Variants in RBM26 observed in about 807,000 individuals in gnomAD.
RBM26 encodes the protein RNA binding motif protein 26.
A neutral mutation model predicts 123.6 loss-of-function variants in RBM26; 30 were observed. That is an observed-to-expected ratio of 0.24 (90% CI 0.18 to 0.33). The LOEUF (loss-of-function observed/expected upper bound fraction) is 0.33, where lower values mean the gene tolerates loss of function less well. Ranked by LOEUF, RBM26 falls within the 10% of genes least tolerant of loss-of-function variation. The pLI, the probability that RBM26 is intolerant of heterozygous loss-of-function variation, is 1.00. For synonymous variants in RBM26, 400 were observed against 404.4 expected (o/e 0.99, Z 0.13); for missense variants, 947 against 1,203.6 (o/e 0.79, Z 3.15).
At chr13:79,318,857 C>T (rs962287252), downstream of RBM26, 23 of 975,526 alleles carry the variant, frequency 2.4e-5, no homozygotes, top group Non-Finnish European at 2.7e-5. Flanking sequence ...GAGCCTCTGC[C>T]AATTTGGCAC....
At position 79,366,086 on chromosome 13, in the gene RBM26, A is replaced by C. The variant is rs776911809; in HGVS notation, c.1245T>G (p.Pro415=). The C allele has an allele frequency of 4.3e-6, 7 of 1,613,960 alleles. No individual in the cohort carries two copies. The highest frequency in any genetic ancestry group is 2.7e-5 in the African/African-American group (2 of 74,912). Residue 415 remains proline, a synonymous_variant, in exon 8 of 22, where the codon CCT becomes CCG. Transcript: ENST00000438737. ...TVVTTGIHHQ[P]PPAPPSLFTA... is the part of the protein sequence containing the mutation. ...TAAAAAGAGAGGGTGGAGCAGGAGG[A>C]GGCTGGTGATGAATGCCAGTTGTTA...
intron 6 of RBM26, 75 bp from the exon 7 acceptor site, chr13:79,366,947 A>T (rs1438240165): frequency 1.7e-6 from 2 of 1,181,890 alleles, no homozygotes; most frequent in Non-Finnish European, 2.3e-6. Flanking sequence ...TAGCAAAAGT[A>T]AAATATTTAA....
chr13:79,317,311 A>G (rs1337723130), downstream of RBM26, among the ~76,000 whole-genome samples: 2 of 151,740 alleles, frequency 1.3e-5, no homozygotes, highest in Non-Finnish European at 3.0e-5. Context: ...CAACGATAAC[A>G]GGGAGAACTG....
chr13:79,340,646 A>C (rs1398810638), intron 18 of RBM26, among the ~76,000 whole-genome samples: 1 of 151,934 alleles, frequency 6.6e-6, no homozygotes, highest in African/African-American at 2.4e-5. Context: ...TTAAATTACA[A>C]GAAAGAAGTT....
intron 1 of RBM26, among the ~76,000 whole-genome samples, chr13:79,388,159 G>A (rs1376256059): frequency 4.6e-5 from 7 of 152,182 alleles, no homozygotes; most frequent in African/African-American, 1.4e-4. Flanking sequence ...ATGCAGTGGC[G>A]ATCTCAGCTG....
chr13:79,349,529 C>T (rs993007576), intron 14 of RBM26, among the ~76,000 whole-genome samples: 3 of 151,740 alleles, frequency 2.0e-5, no homozygotes, highest in African/African-American at 7.3e-5. Flanking sequence ...TTTTGCTACA[C>T]AAATAGCTTA....
intron 3 of RBM26, among the ~76,000 whole-genome samples, chr13:79,372,883 ATGCTATATAAAATATATCTTATATAT>A (rs1168053747): frequency 0.098 from 10,223 of 104,624 alleles, 2,926 homozygotes; most frequent in South Asian, 0.15. Flanking sequence ...AATATTTTAT[ATGCTATATAAAATATATCTTATATAT>A]TACATATTTT....
At chr13:79,386,125 C>T (rs1043950016) in intron 1 of RBM26, among the ~76,000 whole-genome samples, 19 of 151,112 alleles carry the variant, frequency 1.3e-4, no homozygotes, top group Non-Finnish European at 2.1e-4. Context: ...ACTATTTTTC[C>T]AAAATAAAAT....
At chr13:79,318,703 G>T (rs2067373752), downstream of RBM26, 4 of 702,740 alleles carry the variant, frequency 5.7e-6, no homozygotes, top group Non-Finnish European at 7.0e-6. Flanking sequence ...CAGTTACATT[G>T]TAAGGGAATT....
chr13:79,319,885 T>C lies in RBM26; in HGVS notation c.*736A>G. On this transcript the variant is annotated 3_prime_UTR_variant, in exon 22 of 22. Coordinates refer to ENST00000438737, the MANE Select transcript of RBM26 (RefSeq NM_001366735.2). ...GTAGATCACCATCTGGAATGGTCTA[T>C]TTTAATTTTTTTCTTTTCTTTTTTC... 2.1e-6 allele frequency: 2 copies of C among 972,076 alleles called. No individual in the cohort carries two copies. The highest frequency in any genetic ancestry group is 2.4e-6 in the Non-Finnish European group (2 of 818,980). The allele number at this position is 972,076 out of a possible 1,614,324, so 60.2% of individuals were successfully genotyped here.
chr13:79,350,845 C>G (rs879830370), intron 14 of RBM26, among the ~76,000 whole-genome samples: 4 of 151,968 alleles, frequency 2.6e-5, no homozygotes, highest in Admixed American at 6.6e-5. Context: ...CCCAAACCCC[C>G]TAAGGATTAG....
At chr13:79,399,676 G>A (rs1016766071) in intron 1 of RBM26, among the ~76,000 whole-genome samples, 1 of 152,112 alleles carries the variant, frequency 6.6e-6, no homozygotes, top group African/African-American at 2.4e-5. Context: ...AGAACTGGAA[G>A]GGAGAAAGGC....
intron 9 of RBM26, among the ~76,000 whole-genome samples, chr13:79,360,747 AG>A (rs2074582667): frequency 1.3e-5 from 2 of 152,280 alleles, no homozygotes; most frequent in Admixed American, 1.3e-4. Context: ...ACAGTGTAAA[AG>A]AGCTGTAAAA....
intron 1 of RBM26, among the ~76,000 whole-genome samples, chr13:79,381,994 A>G (rs1439373319): frequency 6.6e-6 from 1 of 152,108 alleles, no homozygotes; most frequent in Non-Finnish European, 1.5e-5. Flanking sequence ...TAAGTCCTAC[A>G]AGAAGTTCCA....
chr13:79,390,109 G>T (rs2077822871), intron 1 of RBM26, among the ~76,000 whole-genome samples: 1 of 152,070 alleles, frequency 6.6e-6, no homozygotes, highest in Non-Finnish European at 1.5e-5. Context: ...TAAGAAGACT[G>T]ATTTTTGGTT....
In RBM26 at chr13:79,377,365, A is replaced by C. The variant is rs1417473065; in HGVS notation, c.327+14T>G. The stretch of plus-strand genomic sequence containing the variant: ...TGTTTAAATAACCTGTAAGGTATTA[A>C]CACAAATCGTTACCTCTTCCTTCTT... On this transcript the variant is annotated intron_variant, in intron 3 of 21. Coordinates refer to ENST00000438737, the MANE Select transcript of RBM26 (RefSeq NM_001366735.2). 1.2e-6 allele frequency: 2 copies of C among 1,610,274 alleles called. No homozygotes were observed. Among genetic ancestry groups the C allele is most frequent in the South Asian group, 2.2e-5 (2 of 90,980 alleles).
intron 4 of RBM26, 24 bp downstream of exon 4, chr13:79,371,818 A>C: frequency 1.4e-6 from 2 of 1,458,358 alleles, no homozygotes; most frequent in Non-Finnish European, 1.9e-6. Context: ...CGAAACACTG[A>C]GTATGGTTCA....
At chr13:79,386,217 T>C (rs1423894969) in intron 1 of RBM26, among the ~76,000 whole-genome samples, 1 of 152,122 alleles carries the variant, frequency 6.6e-6, no homozygotes, top group Non-Finnish European at 1.5e-5. Context: ...AGGCCGATTC[T>C]TACATCTGTT....
chr13:79,351,076 T>C (rs1054477213), intron 14 of RBM26, among the ~76,000 whole-genome samples: 3 of 152,190 alleles, frequency 2.0e-5, no homozygotes, highest in African/African-American at 7.2e-5. Context: ...TATGGGTATA[T>C]ATATTAGTCT....
Sources: allele counts gnomAD v4.1 joint callset (sites outside exome capture counted in the v4.1 genomes callset), GRCh38; gene constraint gnomAD v4.1.1; transcripts MANE v1.5; gene names NCBI Gene and HGNC (gene_info 2026-07-23, HGNC 2026-07-21).